Variants in FBXO40 observed in about 807,000 individuals in gnomAD.
The protein encoded by FBXO40 is F-box protein 40, also known as F-box only protein 40.
A neutral mutation model predicts 49.9 loss-of-function variants in FBXO40; 50 were observed. The ratio of observed to expected loss-of-function variants is 1.00; its 90% CI spans 0.80 to 1.27. The LOEUF is 1.27. Among genes scored for constraint, FBXO40 ranks in the 50% most tolerant of loss-of-function variants. The probability of loss-of-function intolerance (pLI) is 0.00; values close to 1 mark genes in which losing one functional copy is unlikely to be tolerated. For missense variants in FBXO40, 895 were observed against 870.1 expected, an observed-to-expected ratio of 1.03 and a Z score of -0.36; for synonymous variants, 340 against 320.2, an observed-to-expected ratio of 1.06 and a Z score of -0.66.
chr3:121,597,912 C>T (rs1462161851), intron 1 of FBXO40, among the ~76,000 whole-genome samples: 1 of 152,150 alleles, frequency 6.6e-6, no homozygotes, highest in African/African-American at 2.4e-5. Flanking sequence ...ATCCACCTGC[C>T]TTGGCCTCCC....
intron 1 of FBXO40, among the ~76,000 whole-genome samples, chr3:121,600,385 A>T (rs531951268): frequency 4.7e-4 from 71 of 152,046 alleles, no homozygotes; most frequent in African/African-American, 1.7e-3. Flanking sequence ...TTTCACAGTT[A>T]TATCCTCTGA....
At chr3:121,625,773 A>G (rs553184222) in intron 3 of FBXO40, among the ~76,000 whole-genome samples, 69 of 152,248 alleles carry the variant, frequency 4.5e-4, no homozygotes, top group Non-Finnish European at 8.8e-4. Flanking sequence ...AAGGATACTC[A>G]CATTAGAATG....
rs1407790629 is a variant in FBXO40 at position 121,628,040 on chromosome 3, G to A, written c.*1130G>A. 1 of 397,736 alleles carries A rather than the reference G, an allele frequency of 2.5e-6. No individual in the cohort carries two copies. Among genetic ancestry groups the A allele is most frequent in the African/African-American group, 2.1e-5 (1 of 48,608 alleles). The allele number at this position is 397,736 out of a possible 1,614,324, so 24.6% of individuals were successfully genotyped here. On this transcript the variant is annotated 3_prime_UTR_variant, in exon 4 of 4. Coordinates refer to ENST00000338040, the MANE Select transcript of FBXO40 (RefSeq NM_016298.4). Reference sequence around the variant, plus strand: ...TCTGACAAAAATGGATGATACTGCTGTTTTTGGTAACAAACAGTGAATATT... The same window carrying A: ...TCTGACAAAAATGGATGATACTGCTATTTTTGGTAACAAACAGTGAATATT...
chr3:121,622,276 G>C lies in FBXO40; in HGVS notation c.847G>C (p.Glu283Gln). 6.2e-7 allele frequency: 1 copy of C among 1,614,222 alleles called. No homozygotes were observed. ...GCAGCAGGACGTTCGTACAGCCATG[G>C]AAACCACAGGGCTTGCCCCTTGGCA... ...QKQQDVRTAM[E>Q]TTGLAPWQDG... The change falls in exon 3 of 4, where the codon GAA (glutamate) becomes CAA (glutamine). Residue 283 changes from glutamate (E) to glutamine (Q), a missense_variant. Glu to Gln is a conservative substitution (Grantham distance 29, BLOSUM62 2). Coordinates refer to ENST00000338040, the MANE Select transcript of FBXO40 (RefSeq NM_016298.4).
At chr3:121,624,584 C>T (rs1319655669) in intron 3 of FBXO40, among the ~76,000 whole-genome samples, 4 of 152,256 alleles carry the variant, frequency 2.6e-5, no homozygotes, top group Middle Eastern at 3.4e-3. Flanking sequence ...GTAAATGGAG[C>T]GTGTCAGCAG....
At chr3:121,618,861 T>C (rs1231747755) in intron 1 of FBXO40, among the ~76,000 whole-genome samples, 2 of 151,842 alleles carry the variant, frequency 1.3e-5, no homozygotes, top group African/African-American at 4.8e-5. Flanking sequence ...CTAGATAAAG[T>C]ATATTTTGGT....
In FBXO40 at chr3:121,622,891, T is replaced by C. The variant is rs760364901; in HGVS notation, c.1462T>C (p.Phe488Leu). 32 of 1,613,458 alleles carry C rather than the reference T, an allele frequency of 2.0e-5. No individual in the cohort carries two copies. The highest frequency in any genetic ancestry group is 2.7e-5 in the Non-Finnish European group (32 of 1,179,480). ...CAACAAATTCTTCAGGAGGGATGAG[T>C]TCCCCCTGCACTTCAAGAATGTCCA... ...TCNKFFRRDE[F>L]PLHFKNVHTD... is the part of the protein sequence containing the mutation. Residue 488 changes from phenylalanine (F) to leucine (L), a missense_variant, in exon 3 of 4, where the codon TTC becomes CTC. Phe to Leu is a conservative substitution (Grantham distance 22, BLOSUM62 0). Coordinates refer to ENST00000338040, the MANE Select transcript of FBXO40 (RefSeq NM_016298.4).
chr3:121,614,411 C>T (rs1360263364), intron 1 of FBXO40, among the ~76,000 whole-genome samples: 1 of 151,534 alleles, frequency 6.6e-6, no homozygotes, highest in Admixed American at 6.6e-5. Flanking sequence ...CACTGCACCC[C>T]AGCCTGGGCA....
At chr3:121,608,036 G>A (rs753285974) in intron 1 of FBXO40, among the ~76,000 whole-genome samples, 17 of 152,170 alleles carry the variant, frequency 1.1e-4, no homozygotes, top group South Asian at 4.1e-4. Flanking sequence ...GCCCATTTTC[G>A]TTCTTCCTTG....
chr3:121,611,847 A>C (rs930926266), intron 1 of FBXO40, among the ~76,000 whole-genome samples: 2 of 152,224 alleles, frequency 1.3e-5, no homozygotes, highest in Non-Finnish European at 2.9e-5. Flanking sequence ...GACCTTTACC[A>C]AGTATACTGC....
intron 1 of FBXO40, among the ~76,000 whole-genome samples, chr3:121,603,359 T>C (rs1208560066): frequency 6.6e-6 from 1 of 152,220 alleles, no homozygotes; most frequent in Non-Finnish European, 1.5e-5. Flanking sequence ...TGTCTGTACT[T>C]ATAAGAAACT....
chr3:121,623,450 C>T (rs769206401), intron 3 of FBXO40, 107 bp downstream of exon 3: 17 of 922,640 alleles, frequency 1.8e-5, no homozygotes, highest in Non-Finnish European at 2.6e-5. Context: ...GTGGTGCAAT[C>T]ACAGCCTTGA....
chr3:121,594,792 A>G (rs1205231505), intron 1 of FBXO40, among the ~76,000 whole-genome samples: 3 of 152,226 alleles, frequency 2.0e-5, no homozygotes, highest in African/African-American at 4.8e-5. Context: ...AAAAACTTAT[A>G]TAGGCTTATG....
intron 1 of FBXO40, among the ~76,000 whole-genome samples, chr3:121,610,897 G>A (rs996496598): frequency 3.3e-5 from 5 of 152,142 alleles, no homozygotes; most frequent in African/African-American, 1.2e-4. Flanking sequence ...AACCTTGGCT[G>A]CCCAAACTTA....
chr3:121,598,112 A>C (rs1335892627), intron 1 of FBXO40, among the ~76,000 whole-genome samples: 6 of 152,216 alleles, frequency 3.9e-5, no homozygotes, highest in African/African-American at 7.2e-5. Context: ...GTAAGCAGAA[A>C]ACTAAGTGGC....
At chr3:121,598,626 C>G (rs1375855024) in intron 1 of FBXO40, among the ~76,000 whole-genome samples, 3 of 152,130 alleles carry the variant, frequency 2.0e-5, no homozygotes, top group Admixed American at 6.6e-5. Flanking sequence ...GATTATAAAC[C>G]CATTGCACTA....
At chr3:121,597,863 A>G (rs1041204085) in intron 1 of FBXO40, among the ~76,000 whole-genome samples, 4 of 151,846 alleles carry the variant, frequency 2.6e-5, no homozygotes, top group African/African-American at 9.7e-5. Context: ...GGGTTTCTCC[A>G]TGTTGGCCAG....
intron 1 of FBXO40, among the ~76,000 whole-genome samples, 163 bp from the exon 2 acceptor site, chr3:121,620,383 C>T (rs2049023797): frequency 6.6e-6 from 1 of 152,198 alleles, no homozygotes; most frequent in African/African-American, 2.4e-5. Context: ...AAGTTACTTA[C>T]CTTCAAGCTT....
chr3:121,594,199 T>A (rs925217429), intron 1 of FBXO40, among the ~76,000 whole-genome samples: 1 of 150,908 alleles, frequency 6.6e-6, no homozygotes, highest in Non-Finnish European at 1.5e-5. Context: ...ATTTATTTAA[T>A]TCATTGTTAT....
Sources: allele counts gnomAD v4.1 joint callset (sites outside exome capture counted in the v4.1 genomes callset), GRCh38; gene constraint gnomAD v4.1.1; transcripts MANE v1.5; gene names NCBI Gene and HGNC (gene_info 2026-07-23, HGNC 2026-07-21).